Variants in ATIC observed in about 807,000 individuals in gnomAD.
ATIC encodes the protein 5-aminoimidazole-4-carboxamide ribonucleotide formyltransferase/IMP cyclohydrolase.
Under a neutral mutation model 72.5 loss-of-function variants are expected in ATIC, and 64 were observed. The observed-to-expected ratio is 0.88, with a 90% confidence interval of 0.72 to 1.09. ATIC has a LOEUF of 1.09. Among genes scored for constraint, ATIC ranks in the 50% least tolerant of loss-of-function variants. The pLI is 0.00. For synonymous variants in ATIC, 281 were observed against 267.1 expected, an observed-to-expected ratio of 1.05 and a Z score of -0.51; for missense variants, 787 against 732.4, an observed-to-expected ratio of 1.07 and a Z score of -0.86.
Position 215,324,464 on chromosome 2 carries a change from T to TA in ATIC, c.291-776dup, listed in dbSNP as rs1179766839. Among the ~76,000 whole-genome samples, 3 of 152,214 alleles carry TA rather than the reference T, an allele frequency of 2.0e-5. No individual in the cohort carries two copies. The East Asian group carries it at 5.8e-4, about 29-fold the overall frequency. On this transcript the variant is annotated intron_variant, in intron 4 of 15. Transcript: ENST00000236959. ...TTTTTGTGTGAAGATACCTAAGAGA[T>TA]ACTGGTCTCTAGTTTTCTTGTGACA...
At chr2:215,327,976 C>T (rs184960215) in intron 7 of ATIC, among the ~76,000 whole-genome samples, 10 of 151,416 alleles carry the variant, frequency 6.6e-5, no homozygotes, top group South Asian at 2.1e-4. Flanking sequence ...CTGGTTCAAG[C>T]GATTCTCCTG....
intron 4 of ATIC, among the ~76,000 whole-genome samples, chr2:215,321,997 G>C (rs571531769): frequency 1.3e-5 from 2 of 151,946 alleles, no homozygotes; most frequent in Non-Finnish European, 2.9e-5. Flanking sequence ...TCCACCTCCC[G>C]GATTCAAGCG....
At chr2:215,334,773 A>T in intron 9 of ATIC, 146 bp from the exon 10 acceptor site, 2 of 674,388 alleles carry the variant, frequency 3.0e-6, no homozygotes, top group Non-Finnish European at 5.1e-6. Context: ...TACTTCAGTT[A>T]AATGACTTAT....
the ATIC span, among the ~76,000 whole-genome samples, chr2:215,360,066 G>A: frequency 1.3e-5 from 2 of 152,218 alleles, no homozygotes; most frequent in Non-Finnish European, 2.9e-5. Context: ...AGCCTTCTGA[G>A]TAGCCGGGAC....
chr2:215,354,726 TATC>T (rs1240277124), downstream of ATIC, among the ~76,000 whole-genome samples: 2 of 151,688 alleles, frequency 1.3e-5, no homozygotes, highest in Non-Finnish European at 2.9e-5. Context: ...CAATTGTTGG[TATC>T]ATCTTTCTAG....
the ATIC span, among the ~76,000 whole-genome samples, chr2:215,366,153 A>T: frequency 6.6e-6 from 1 of 151,820 alleles, no homozygotes; most frequent in Admixed American, 6.6e-5. Context: ...TTAAAATATT[A>T]TTTTTTATCA....
At chr2:215,313,193 C>T (rs947925364) in intron 2 of ATIC, among the ~76,000 whole-genome samples, 1 of 152,236 alleles carries the variant, frequency 6.6e-6, no homozygotes, top group Non-Finnish European at 1.5e-5. Context: ...TTTTAGGACA[C>T]TAGTCTTAGC....
chr2:215,312,357 A>G, intron 1 of ATIC, 141 bp from the exon 2 acceptor site: 1 of 1,529,612 alleles, frequency 6.5e-7, no homozygotes. Context: ...AGACCTGGGG[A>G]GGCCCGGACC....
Position 215,312,504 on chromosome 2 carries a change from T to TTAG in ATIC, c.28_30dup (p.Ser10dup). The TTAG allele has an allele frequency of 6.2e-7, 1 of 1,614,178 alleles. No individual in the cohort carries two copies. Among genetic ancestry groups the TTAG allele is most frequent in the South Asian group, 1.1e-5 (1 of 91,084 alleles). On this transcript the variant is annotated inframe_insertion, in exon 2 of 16. Coordinates refer to ENST00000236959, the MANE Select transcript of ATIC (RefSeq NM_004044.7). Reference sequence around the variant, plus strand: ...AAAATGTCTTCTCTTTCAGCCTTATTTAGTGTCTCTGACAAAACCGGCCTT... The same window carrying TTAG: ...AAAATGTCTTCTCTTTCAGCCTTATTTAGTAGTGTCTCTGACAAAACCGGCCTT...
chr2:215,312,826 A>G (rs573069386), intron 2 of ATIC, among the ~76,000 whole-genome samples: 4 of 152,228 alleles, frequency 2.6e-5, no homozygotes, highest in Admixed American at 6.5e-5. Flanking sequence ...CGGCTGGGCT[A>G]GGTGGCTCAC....
At chr2:215,326,793 G>T in intron 6 of ATIC, 29 bp from the exon 7 acceptor site, 1 of 1,613,424 alleles carries the variant, frequency 6.2e-7, no homozygotes, top group South Asian at 1.1e-5. Context: ...AGTGCTGCTC[G>T]TGTCTCACAA....
chr2:215,338,900 A>G lies in ATIC; in HGVS notation c.1220A>G (p.Asn407Ser). Residue 407 changes from asparagine (N) to serine (S), a missense_variant, in exon 12 of 16, where the codon AAT becomes AGT. Coordinates refer to ENST00000236959, the MANE Select transcript of ATIC (RefSeq NM_004044.7). ...TTATTTAGCAATGTTGTTACCAAAA[A>G]TAAAGATGTAAGTTGGGAAGTATCT... Reference protein sequence around the residue: ...KSLFSNVVTKNKDLPESALRD... With the variant: ...KSLFSNVVTKSKDLPESALRD... 1.2e-6 allele frequency: 2 copies of G among 1,613,448 alleles called. No individual in the cohort carries two copies. The highest frequency in any genetic ancestry group is 2.2e-5 in the East Asian group (1 of 44,768).
chr2:215,352,824 CTT>C (rs1490447329), downstream of ATIC, among the ~76,000 whole-genome samples: 2 of 151,838 alleles, frequency 1.3e-5, no homozygotes, highest in African/African-American at 4.8e-5. Context: ...GGTTTCTCCT[CTT>C]TAGATTTTTT....
At chr2:215,359,140 C>T in the ATIC span, among the ~76,000 whole-genome samples, 1 of 152,152 alleles carries the variant, frequency 6.6e-6, no homozygotes, top group Non-Finnish European at 1.5e-5. Context: ...CACCTCGGCG[C>T]CTCAAAGTAC....
At chr2:215,320,634 C>G (rs2052756851) in intron 4 of ATIC, among the ~76,000 whole-genome samples, 1 of 152,160 alleles carries the variant, frequency 6.6e-6, no homozygotes, top group African/African-American at 2.4e-5. Flanking sequence ...GGTTGGAGTT[C>G]AGTGGCATGA....
downstream of ATIC, among the ~76,000 whole-genome samples, chr2:215,351,591 AG>A (rs1194633419): frequency 2.6e-5 from 4 of 152,314 alleles, no homozygotes; most frequent in East Asian, 7.7e-4. Context: ...CTCTAAAAAA[AG>A]AGAAAATTTT....
At chr2:215,361,804 ATTATAAC>A in the ATIC span, 1 of 571,626 alleles carries the variant, frequency 1.7e-6, no homozygotes, top group Non-Finnish European at 2.2e-6. Flanking sequence ...AGTTACATAA[ATTATAAC>A]TTAAACTATA....
chr2:215,334,004 T>A lies in ATIC; in HGVS notation c.922+547T>A, dbSNP rs966333678. 3.3e-5 allele frequency among the ~76,000 whole-genome samples: 5 copies of A among 150,492 alleles called. 1 individual carries two copies. In the South Asian group the frequency reaches 1.1e-3, roughly 32 times the overall value. ...TTGCAGTGAGCCAAGATAGCGCCAG[T>A]GCACTCCAGCCTGGGTGACAGAGCG... On this transcript the variant is annotated intron_variant, in intron 9 of 15. Coordinates refer to ENST00000236959, the MANE Select transcript of ATIC (RefSeq NM_004044.7).
chr2:215,365,595 C>T, the ATIC span: 4 of 1,613,916 alleles, frequency 2.5e-6, no homozygotes, highest in African/African-American at 5.3e-5. Context: ...CACTTCTCTC[C>T]AATCTTGTAG....
Sources: allele counts gnomAD v4.1 joint callset (sites outside exome capture counted in the v4.1 genomes callset), GRCh38; gene constraint gnomAD v4.1.1; transcripts MANE v1.5; gene names NCBI Gene and HGNC (gene_info 2026-07-23, HGNC 2026-07-21).